Variants in DCAF4 observed in about 807,000 individuals in gnomAD.
The protein encoded by DCAF4 is DDB1- and CUL4-associated factor 4.
A neutral mutation model predicts 60.9 loss-of-function variants in DCAF4; 37 were observed. The observed-to-expected ratio is 0.61, with a 90% CI of 0.47 to 0.80. DCAF4 has a LOEUF of 0.80. DCAF4 is among the 30% of genes least tolerant of loss of function. The probability of loss-of-function intolerance (pLI) is 0.00; values close to 1 mark genes in which losing one functional copy is unlikely to be tolerated. For missense variants in DCAF4, 577 were observed against 650.0 expected (o/e 0.89, Z 1.22); for synonymous variants, 243 against 254.8 (o/e 0.95, Z 0.44).
In DCAF4 at chr14:72,943,164, T is replaced by TG; in HGVS notation, c.534+69dup. On this transcript the variant is annotated intron_variant, in intron 6 of 13. Coordinates refer to ENST00000358377, the MANE Select transcript of DCAF4 (RefSeq NM_015604.4). ...CTCTGGACACTTTGTGGCTTAGCGT[T>TG]GCCAGTCATCAAACCTGGCTCTGGA... is the stretch of plus-strand genomic sequence containing the variant. The TG allele has an allele frequency of 2.8e-6, 4 of 1,442,136 alleles. No individual in the cohort carries two copies. In the South Asian group the frequency reaches 3.6e-5, roughly 13 times the overall value. 89.3% of individuals were successfully genotyped at this position (1,442,136 alleles called of 1,614,324 possible).
intron 13 of DCAF4, 141 bp downstream of exon 13, chr14:72,956,641 C>A: frequency 4.1e-6 from 3 of 732,396 alleles, no homozygotes; most frequent in Non-Finnish European, 7.0e-6. Context: ...GGTGGGGAGA[C>A]TAGGAGGGAA....
intron 1 of DCAF4, among the ~76,000 whole-genome samples, chr14:72,935,378 C>T (rs1309152081): frequency 6.6e-6 from 1 of 152,136 alleles, no homozygotes; most frequent in Non-Finnish European, 1.5e-5. Flanking sequence ...CCTCAGCCTC[C>T]CAAGTAACCG....
downstream of DCAF4, among the ~76,000 whole-genome samples, chr14:72,961,019 T>C (rs141716416): frequency 6.6e-5 from 10 of 152,114 alleles, no homozygotes; most frequent in African/African-American, 1.9e-4. Flanking sequence ...TTCTGAGCAG[T>C]TGGGCCCACA....
intron 13 of DCAF4, 77 bp from the exon 14 acceptor site, chr14:72,958,535 G>A (rs1594813910): frequency 1.3e-6 from 2 of 1,543,940 alleles, no homozygotes; most frequent in Non-Finnish European, 1.8e-6. Flanking sequence ...GGAATCTTGG[G>A]AAGCCATGTC....
At chr14:72,948,255 A>G (rs767562032) in intron 8 of DCAF4, among the ~76,000 whole-genome samples, 1 of 152,118 alleles carries the variant, frequency 6.6e-6, no homozygotes, top group Non-Finnish European at 1.5e-5. Context: ...TGGTACAATC[A>G]TAGCTCACTC....
At chr14:72,950,424 G>A (rs1891261744) in intron 8 of DCAF4, among the ~76,000 whole-genome samples, 1 of 152,144 alleles carries the variant, frequency 6.6e-6, no homozygotes, top group African/African-American at 2.4e-5. Context: ...GGGCAGAACT[G>A]GAATGTTTCC....
chr14:72,946,039 A>C lies in DCAF4; in HGVS notation c.678+12A>C. On this transcript the variant is annotated intron_variant, in intron 7 of 13. Coordinates refer to ENST00000358377, the MANE Select transcript of DCAF4 (RefSeq NM_015604.4). ...TCACCAACCGGAAGGTACGTTGCCC[A>C]TCCCTGTAGCCTCTCTGCACACTTG... 6.2e-7 allele frequency: 1 copy of C among 1,613,218 alleles called. No homozygotes were observed. Among genetic ancestry groups the C allele is most frequent in the Non-Finnish European group, 8.5e-7 (1 of 1,179,946 alleles).
chr14:72,942,436 G>T (rs889976096), intron 5 of DCAF4: 1 of 155,364 alleles, frequency 6.4e-6, no homozygotes, highest in Non-Finnish European at 1.4e-5. Context: ...CTGCATTTGA[G>T]GCAGCTTCCT....
chr14:72,954,151 A>T lies in DCAF4; in HGVS notation c.809-13A>T, dbSNP rs1481787172. ...AGGCAGCCACACTTTACATTCTCCT[A>T]TCCCCTTAGCAGGAATAGACCGGCC... On this transcript the variant is annotated splice_polypyrimidine_tract_variant and intron_variant, in intron 9 of 13. Coordinates refer to ENST00000358377, the MANE Select transcript of DCAF4 (RefSeq NM_015604.4). 6.2e-7 allele frequency: 1 copy of T among 1,613,816 alleles called. No homozygotes were observed. The highest frequency in any genetic ancestry group is 1.3e-5 in the African/African-American group (1 of 74,948).
chr14:72,934,694 C>G (rs1312809199), intron 1 of DCAF4, among the ~76,000 whole-genome samples: 1 of 152,208 alleles, frequency 6.6e-6, no homozygotes, highest in Non-Finnish European at 1.5e-5. Context: ...CCTGGAGAGA[C>G]CTGGGTCTTC....
At chr14:72,938,541 G>A (rs1349573541) in intron 2 of DCAF4, among the ~76,000 whole-genome samples, 1 of 152,148 alleles carries the variant, frequency 6.6e-6, no homozygotes, top group Non-Finnish European at 1.5e-5. Flanking sequence ...AGGCAGTCGT[G>A]TCATGCAAAC....
chr14:72,951,115 G>C (rs1185189294), intron 8 of DCAF4, among the ~76,000 whole-genome samples: 2 of 152,110 alleles, frequency 1.3e-5, no homozygotes, highest in East Asian at 3.9e-4. Flanking sequence ...CAAGGAGCTG[G>C]TACTACAGGC....
At chr14:72,929,455 G>A (rs1443916966) in intron 1 of DCAF4, among the ~76,000 whole-genome samples, 1 of 152,240 alleles carries the variant, frequency 6.6e-6, no homozygotes, top group African/African-American at 2.4e-5. Flanking sequence ...TCATCCCAAC[G>A]CTGCGCCAAG....
intron 11 of DCAF4, 102 bp downstream of exon 11, chr14:72,954,585 CA>C (rs763986380): frequency 1.1e-4 from 120 of 1,068,572 alleles, no homozygotes; most frequent in Non-Finnish European, 1.4e-4. Context: ...TACTCTTTGA[CA>C]GGGGAGAAAG....
At chr14:72,941,683 CT>C (rs1408266057) in intron 4 of DCAF4, 61 bp from the exon 5 acceptor site, 3 of 1,499,884 alleles carry the variant, frequency 2.0e-6, no homozygotes, top group Non-Finnish European at 2.8e-6. Flanking sequence ...TAAAAACATT[CT>C]CCATCATCCC....
chr14:72,959,796 T>A, downstream of DCAF4: 1 of 414,152 alleles, frequency 2.4e-6, no homozygotes, highest in Non-Finnish European at 3.2e-6. Flanking sequence ...CCCTGCTCTG[T>A]GCATGCCCAA....
downstream of DCAF4, chr14:72,961,928 G>C: frequency 8.7e-7 from 1 of 1,145,032 alleles, no homozygotes; most frequent in Non-Finnish European, 1.1e-6. Context: ...TTTGGCTACC[G>C]CGGGAACACC....
At position 72,940,267 on chromosome 14, in the gene DCAF4, T is replaced by C; in HGVS notation, c.241T>C (p.Leu81=). The change falls in exon 4 of 14, where the codon TTG becomes CTG. Residue 81 remains leucine, a synonymous_variant. Coordinates refer to ENST00000358377, the MANE Select transcript of DCAF4 (RefSeq NM_015604.4). Reference sequence around the variant, plus strand: ...CCCTGAAAAGAAACGCTACTTCCGCTTGCTCCCTGGACATAACAACTGCAA... The same window carrying C: ...CCCTGAAAAGAAACGCTACTTCCGCCTGCTCCCTGGACATAACAACTGCAA... The part of the protein sequence containing the change: ...FDPEKKRYFR[L]LPGHNNCNPL... The C allele has an allele frequency of 1.2e-6, 2 of 1,614,178 alleles. No individual in the cohort carries two copies. The highest frequency in any genetic ancestry group is 1.7e-6 in the Non-Finnish European group (2 of 1,180,042).
At chr14:72,941,687 A>C in intron 4 of DCAF4, 58 bp from the exon 5 acceptor site, 2 of 1,523,034 alleles carry the variant, frequency 1.3e-6, no homozygotes, top group Middle Eastern at 3.4e-4. Context: ...AACATTCTCC[A>C]TCATCCCCTA....
Sources: gnomAD v4.1 joint callset for allele counts (sites outside exome capture counted in the v4.1 genomes callset) on GRCh38, gnomAD v4.1.1 for gene constraint, MANE v1.5 for transcripts, NCBI Gene and HGNC (gene_info 2026-07-23, HGNC 2026-07-21) for gene names.